ADK: variants seen among roughly 807,000 people sequenced by gnomAD.
ADK encodes N6,N6-dimethyladenosine kinase.
ADK carries 24 observed loss-of-function variants against 44.7 expected under a neutral mutation model. That is an observed-to-expected ratio of 0.54 (90% CI 0.39 to 0.76). The LOEUF (loss-of-function observed/expected upper bound fraction) is 0.76, where lower values mean the gene tolerates loss of function less well. ADK is among the 30% of genes least tolerant of loss of function. The pLI is 0.00. For missense variants in ADK, 321 were observed against 425.1 expected (o/e 0.76, Z 2.15); for synonymous variants, 128 against 142.6 (o/e 0.90, Z 0.73).
chr10:74,593,931 A>G (rs1423514356), intron 8 of ADK, among the ~76,000 whole-genome samples: 1 of 152,222 alleles, frequency 6.6e-6, no homozygotes, highest in African/African-American at 2.4e-5. Flanking sequence ...TCTTTATATC[A>G]GAATGATTTA....
intron 9 of ADK, chr10:74,655,635 A>G (rs964183306): frequency 4.5e-6 from 2 of 439,628 alleles, no homozygotes; most frequent in Non-Finnish European, 4.5e-6. Flanking sequence ...GCCAAGATAA[A>G]GGCTCCTTCC....
chr10:74,576,066 A>AC (rs558468722), intron 7 of ADK, among the ~76,000 whole-genome samples: 150 of 151,982 alleles, frequency 9.9e-4, no homozygotes, highest in African/African-American at 3.4e-3. Flanking sequence ...AATAGAAGTT[A>AC]CCCCCCACCC....
chr10:74,398,032 T>G (rs1843579788), intron 5 of ADK, among the ~76,000 whole-genome samples: 1 of 152,240 alleles, frequency 6.6e-6, no homozygotes. Flanking sequence ...TAATTCCATA[T>G]TTGGCTTTTA....
chr10:74,576,703 A>G (rs567766298), intron 7 of ADK, among the ~76,000 whole-genome samples: 1 of 152,274 alleles, frequency 6.6e-6, no homozygotes, highest in African/African-American at 2.4e-5. Context: ...CTCATCTGTT[A>G]GCCCAGTCGC....
intron 3 of ADK, among the ~76,000 whole-genome samples, chr10:74,260,995 A>T (rs1846017427): frequency 6.6e-6 from 1 of 152,180 alleles, no homozygotes; most frequent in Non-Finnish European, 1.5e-5. Flanking sequence ...CCAATTTTAG[A>T]TGTTATCTAT....
intron 9 of ADK, among the ~76,000 whole-genome samples, chr10:74,623,586 A>G (rs1384863785): frequency 6.6e-6 from 1 of 151,992 alleles, no homozygotes. Context: ...CTGGTGTAGA[A>G]TTGTGCGTGC....
chr10:74,556,543 C>G (rs1373541740), intron 7 of ADK, among the ~76,000 whole-genome samples: 2 of 152,134 alleles, frequency 1.3e-5, no homozygotes, highest in African/African-American at 4.8e-5. Flanking sequence ...CATAGATTGT[C>G]TATGGAATAG....
At chr10:74,439,910 C>G (rs995243549) in intron 6 of ADK, among the ~76,000 whole-genome samples, 2 of 151,712 alleles carry the variant, frequency 1.3e-5, no homozygotes, top group Admixed American at 1.3e-4. Flanking sequence ...ATTTTAGAAG[C>G]CCCTGTTATT....
intron 7 of ADK, among the ~76,000 whole-genome samples, chr10:74,569,690 C>A (rs1370523658): frequency 6.6e-6 from 1 of 152,078 alleles, no homozygotes; most frequent in Non-Finnish European, 1.5e-5. Context: ...GTCAGATGAG[C>A]AGATTGCAAA....
intron 9 of ADK, among the ~76,000 whole-genome samples, chr10:74,607,527 A>G (rs1852367881): frequency 2.0e-5 from 3 of 152,164 alleles, no homozygotes; most frequent in South Asian, 4.1e-4. Context: ...TGGGTTCAAA[A>G]TTCTTTTCTT....
In ADK at chr10:74,436,647, C is replaced by T. The variant is rs1845188085; in HGVS notation, c.555+38068C>T. 2.6e-5 allele frequency among the ~76,000 whole-genome samples: 4 copies of T among 152,098 alleles called. No homozygotes were observed. The South Asian group carries it at 8.3e-4, about 31-fold the overall frequency. Reference sequence around the variant, plus strand: ...ATTTTTGACAAAGGTATAAAGCCAACTAATTGGTGAAAAGATAGCCTTTTC... The same window carrying T: ...ATTTTTGACAAAGGTATAAAGCCAATTAATTGGTGAAAAGATAGCCTTTTC... On this transcript the variant is annotated intron_variant, in intron 6 of 10. Transcript: ENST00000539909.
intron 9 of ADK, among the ~76,000 whole-genome samples, chr10:74,609,241 G>A (rs1852453577): frequency 6.6e-6 from 1 of 152,272 alleles, no homozygotes; most frequent in Non-Finnish European, 1.5e-5. Flanking sequence ...TTCCAGGGGA[G>A]TGAACAGTTC....
chr10:74,501,781 A>G (rs1798980969), intron 6 of ADK, among the ~76,000 whole-genome samples: 1 of 152,186 alleles, frequency 6.6e-6, no homozygotes, highest in Non-Finnish European at 1.5e-5. Context: ...TTCCATTTAT[A>G]TGAAGTATCC....
chr10:74,425,958 G>C (rs1844780522), intron 6 of ADK, among the ~76,000 whole-genome samples: 1 of 151,888 alleles, frequency 6.6e-6, no homozygotes, highest in South Asian at 2.1e-4. Flanking sequence ...TTTTCTTTTT[G>C]GGGAAATATA....
intron 2 of ADK, among the ~76,000 whole-genome samples, chr10:74,221,410 A>G (rs1231595266): frequency 6.6e-6 from 1 of 152,104 alleles, no homozygotes; most frequent in Admixed American, 6.5e-5. Context: ...GCTCATGGGT[A>G]GGAAGAATCA....
intron 3 of ADK, among the ~76,000 whole-genome samples, chr10:74,261,582 A>G (rs1418435137): frequency 6.6e-6 from 1 of 152,196 alleles, no homozygotes; most frequent in Non-Finnish European, 1.5e-5. Context: ...CCATACATGT[A>G]GGTCTAAAAT....
At chr10:74,161,898 A>G (rs1841908977) in intron 1 of ADK, among the ~76,000 whole-genome samples, 1 of 152,036 alleles carries the variant, frequency 6.6e-6, no homozygotes, top group African/African-American at 2.4e-5. Context: ...TCTTTTGTAG[A>G]AACAGGGTCT....
intron 8 of ADK, among the ~76,000 whole-genome samples, chr10:74,598,029 T>C (rs1851982103): frequency 2.0e-5 from 3 of 152,230 alleles, no homozygotes. Context: ...TTAGCATACT[T>C]ATCCCTCAAA....
rs1433142824 is a variant in ADK, at chr10:74,220,319, GGAA to G, written c.141-4214_141-4212del. On this transcript the variant is annotated intron_variant, in intron 2 of 10. Transcript: ENST00000539909. ...CATACACCCTCCCAAGACTAAACCA[GGAA>G]GAAGTTGAATCTCTGAACAGACCAA... 3.3e-5 allele frequency among the ~76,000 whole-genome samples: 5 copies of G among 152,296 alleles called. No homozygotes were observed. The East Asian group carries it at 9.6e-4, about 29-fold the overall frequency.
Sources: gnomAD v4.1 joint callset for allele counts (sites outside exome capture counted in the v4.1 genomes callset) on GRCh38, gnomAD v4.1.1 for gene constraint, MANE v1.5 for transcripts, NCBI Gene and HGNC (gene_info 2026-07-23, HGNC 2026-07-21) for gene names.